PYY: variants seen among roughly 807,000 people sequenced by gnomAD.
PYY encodes the protein peptide tyrosine tyrosine.
A neutral mutation model predicts 10.3 loss-of-function variants in PYY; 12 were observed. The ratio of observed to expected loss-of-function variants is 1.17; its 90% CI spans 0.75 to 1.89. PYY has a LOEUF of 1.89. PYY is among the 40% of genes most tolerant of loss of function. The pLI, the probability that PYY is intolerant of heterozygous loss-of-function variation, is 0.00. For synonymous variants in PYY, 66 were observed against 62.0 expected (o/e 1.06, Z -0.30); for missense variants, 141 against 134.0 (o/e 1.05, Z -0.26).
At chr17:43,956,793 A>C (rs2048675193), upstream of PYY, among the ~76,000 whole-genome samples, 1 of 152,164 alleles carries the variant, frequency 6.6e-6, no homozygotes, top group Admixed American at 6.5e-5. Context: ...CCCACTCCCC[A>C]CACACAAGGC....
At chr17:43,991,679 C>G (rs1272461877) in intron 1 of PYY, among the ~76,000 whole-genome samples, 1 of 152,120 alleles carries the variant, frequency 6.6e-6, no homozygotes, top group African/African-American at 2.4e-5. Flanking sequence ...AAAAAATTGG[C>G]TGGGCGTGGT....
chr17:44,000,795 T>A (rs1052578519), intron 1 of PYY, among the ~76,000 whole-genome samples: 4 of 151,848 alleles, frequency 2.6e-5, no homozygotes, highest in Admixed American at 2.6e-4. Context: ...CCTCAAGTGA[T>A]CCGCCCGCCT....
At chr17:43,997,499 G>T (rs1029910557) in intron 1 of PYY, among the ~76,000 whole-genome samples, 48 of 152,164 alleles carry the variant, frequency 3.2e-4, no homozygotes, top group African/African-American at 1.1e-3. Context: ...AGGTCCTCAT[G>T]GCTGGTGAGG....
chr17:44,002,524 G>A (rs919051046), intron 1 of PYY, among the ~76,000 whole-genome samples: 3 of 152,222 alleles, frequency 2.0e-5, no homozygotes, highest in Non-Finnish European at 4.4e-5. Flanking sequence ...GGTCTGACTG[G>A]ATCAGAGTGT....
At chr17:43,958,148 A>AAAAAAAAAAAAAAAAAAAAAAAAAC (rs1567926282), upstream of PYY, 1 of 149,664 alleles carries the variant, frequency 6.7e-6, no homozygotes, top group African/African-American at 2.4e-5. Flanking sequence ...AAAAAAAAAA[A>AAAAAAAAAAAAAAAAAAAAAAAAAC]AAAAAAAAAG....
chr17:43,992,399 G>A (rs951284627), intron 1 of PYY, among the ~76,000 whole-genome samples: 6 of 152,054 alleles, frequency 3.9e-5, no homozygotes, highest in South Asian at 4.1e-4. Flanking sequence ...TGGCCAACAC[G>A]GTGAAACCCC....
chr17:44,004,037 T>G (rs910819758), intron 1 of PYY, among the ~76,000 whole-genome samples: 20 of 152,136 alleles, frequency 1.3e-4, no homozygotes, highest in African/African-American at 4.6e-4. Flanking sequence ...TTTTACCAGA[T>G]GTGATATTCG....
At chr17:43,954,204 T>A (rs969128949), upstream of PYY, among the ~76,000 whole-genome samples, 2 of 152,106 alleles carry the variant, frequency 1.3e-5, no homozygotes, top group Non-Finnish European at 2.9e-5. Context: ...CAGTGGCAGG[T>A]CTAGCCTCCT....
intron 1 of PYY, among the ~76,000 whole-genome samples, chr17:43,985,397 C>T (rs1307675324): frequency 6.6e-6 from 1 of 152,188 alleles, no homozygotes; most frequent in East Asian, 1.9e-4. Flanking sequence ...TTTGTAGATA[C>T]GGGGTCTCAC....
At chr17:43,989,127 G>C (rs75411332) in intron 1 of PYY, among the ~76,000 whole-genome samples, 54,554 of 150,828 alleles carry the variant, frequency 0.36, 12,305 homozygotes, top group Middle Eastern at 0.55. Context: ...GTAATCCCAA[G>C]ACTTCGGGAG....
intron 1 of PYY, among the ~76,000 whole-genome samples, chr17:43,991,050 T>A (rs1447017392): frequency 6.6e-6 from 1 of 151,860 alleles, no homozygotes; most frequent in Non-Finnish European, 1.5e-5. Flanking sequence ...CCCAAAGTGC[T>A]GGGATTACAA....
intron 2 of PYY, among the ~76,000 whole-genome samples, chr17:43,960,358 C>T (rs983622290): frequency 1.3e-5 from 2 of 151,460 alleles, no homozygotes; most frequent in South Asian, 4.2e-4. Context: ...GCCTGGCCAA[C>T]ATGGTGAAAC....
intron 2 of PYY, among the ~76,000 whole-genome samples, chr17:43,965,820 GAGAGAAAC>G (rs1008386776): frequency 3.9e-5 from 4 of 102,026 alleles, no homozygotes; most frequent in Non-Finnish European, 8.5e-5. Flanking sequence ...AAAAAAAAGA[GAGAGAAAC>G]AAGTAAAATT....
At chr17:43,969,334 G>A (rs1216583575) in intron 1 of PYY, among the ~76,000 whole-genome samples, 4 of 151,654 alleles carry the variant, frequency 2.6e-5, no homozygotes, top group African/African-American at 9.7e-5. Context: ...TAATCAACAT[G>A]GTGAAACCCT....
At chr17:43,968,090 A>T (rs1034054646) in intron 1 of PYY, among the ~76,000 whole-genome samples, 3 of 152,086 alleles carry the variant, frequency 2.0e-5, no homozygotes, top group Non-Finnish European at 4.4e-5. Context: ...TCCCTCTCCG[A>T]TCAAGAGTTG....
chr17:43,953,445 T>A lies in PYY; in HGVS notation c.39A>T (p.Thr13=). The change falls in exon 2 of 4, where the codon ACA becomes ACT. Residue 13 remains threonine, a synonymous_variant. Transcript: ENST00000692052. ...FVRRPWPALT[T]VLLALLVCLG... ...GGCAGACGAGCAGGGCCAGAAGCAC[T>A]GTGGTCAAGGCGGGCCACGGCCTGC... 1 of 1,611,488 alleles carries A rather than the reference T, an allele frequency of 6.2e-7. No homozygotes were observed.
At chr17:43,979,750 G>C (rs905379970) in intron 1 of PYY, among the ~76,000 whole-genome samples, 2 of 150,552 alleles carry the variant, frequency 1.3e-5, no homozygotes, top group Non-Finnish European at 1.5e-5. Flanking sequence ...GGTGGGGGGA[G>C]AAATGGGTGT....
At chr17:43,955,414 A>G (rs981950769), upstream of PYY, among the ~76,000 whole-genome samples, 1 of 152,188 alleles carries the variant, frequency 6.6e-6, no homozygotes, top group African/African-American at 2.4e-5. Flanking sequence ...TGGGGAGTTC[A>G]GGGCTCTCTG....
chr17:43,957,007 G>C (rs2048676572), upstream of PYY, among the ~76,000 whole-genome samples: 1 of 152,004 alleles, frequency 6.6e-6, no homozygotes, highest in Non-Finnish European at 1.5e-5. Flanking sequence ...AGACCAGCCT[G>C]GCCAACATGG....
Sources: allele counts gnomAD v4.1 joint callset (sites outside exome capture counted in the v4.1 genomes callset), GRCh38; gene constraint gnomAD v4.1.1; transcripts MANE v1.5; gene names NCBI Gene and HGNC (gene_info 2026-07-23, HGNC 2026-07-21).